FTO: variants seen among roughly 807,000 people sequenced by gnomAD.
FTO encodes FTO alpha-ketoglutarate dependent dioxygenase.
Under a neutral mutation model 63.9 loss-of-function variants are expected in FTO, and 47 were observed. The ratio of observed to expected loss-of-function variants is 0.74; its 90% CI spans 0.58 to 0.94. The LOEUF (loss-of-function observed/expected upper bound fraction) is 0.94. Among genes scored for constraint, FTO ranks in the 40% least tolerant of loss-of-function variants. FTO has a pLI of 0.00. For missense variants in FTO, 562 were observed against 618.1 expected, an observed-to-expected ratio of 0.91 and a Z score of 0.96; for synonymous variants, 207 against 224.4, an observed-to-expected ratio of 0.92 and a Z score of 0.69.
intron 1 of FTO, among the ~76,000 whole-genome samples, chr16:53,808,192 G>C (rs1265292515): frequency 6.6e-6 from 1 of 151,978 alleles, no homozygotes; most frequent in Non-Finnish European, 1.5e-5. Context: ...AACTAGCCAG[G>C]CATGGTGGCA....
intron 8 of FTO, among the ~76,000 whole-genome samples, chr16:53,942,823 A>G (rs868022935): frequency 4.6e-5 from 7 of 152,192 alleles, no homozygotes; most frequent in Admixed American, 6.5e-5. Context: ...GTCAGCTGCT[A>G]TCATTCATGC....
chr16:53,780,285 G>C (rs945157378), intron 1 of FTO, among the ~76,000 whole-genome samples: 3 of 151,986 alleles, frequency 2.0e-5, no homozygotes, highest in Admixed American at 6.6e-5. Context: ...TGTACCAGCT[G>C]TTCTTCCTGC....
intron 1 of FTO, among the ~76,000 whole-genome samples, chr16:53,724,569 G>A (rs2076110007): frequency 1.3e-5 from 2 of 152,192 alleles, no homozygotes; most frequent in Admixed American, 6.5e-5. Flanking sequence ...AGATATGAGG[G>A]CTAGCTCCTC....
Position 54,119,418 on chromosome 16 carries a change from C to T in FTO, c.*7503C>T, listed in dbSNP as rs1039196174. On this transcript the variant is annotated 3_prime_UTR_variant, in exon 9 of 9. Coordinates refer to ENST00000471389, the MANE Select transcript of FTO (RefSeq NM_001080432.3). ...ACTCATCCAACCCAGAAAACTGGAC[C>T]GCTGGTCACCTTCCTTCCCCCTGCC... 2 of 152,336 alleles carry T rather than the reference C, an allele frequency of 1.3e-5. No homozygotes were observed. The highest frequency in any genetic ancestry group is 2.1e-4 in the South Asian group (1 of 4,824). The allele number at this position is 152,336 out of a possible 1,614,324, so 9.4% of individuals were successfully genotyped here.
chr16:53,704,789 A>G (rs1452138544), intron 1 of FTO, among the ~76,000 whole-genome samples: 1 of 152,224 alleles, frequency 6.6e-6, no homozygotes, highest in African/African-American at 2.4e-5. Context: ...CAGAGATTTT[A>G]AAAAGCATTT....
At chr16:54,042,399 C>T (rs1478992353) in intron 8 of FTO, among the ~76,000 whole-genome samples, 6 of 82,468 alleles carry the variant, frequency 7.3e-5, no homozygotes, top group Non-Finnish European at 1.4e-4. Flanking sequence ...CTTTTCAGAC[C>T]GGCTTAAGAA....
Position 53,888,915 on chromosome 16 carries a change from T to C in FTO, c.1203T>C (p.Ala401=). Residue 401 remains alanine (A), a synonymous_variant, in exon 7 of 9, where the codon GCT becomes GCC. Transcript: ENST00000471389. ...CTGACTGGTGGTGTCAACCCATGGC[T>C]CAACTGGAAGCACTGTGGAAGAAGA... ...KCTDWWCQPM[A]QLEALWKKME... is the part of the protein sequence containing the mutation. 1 of 1,614,106 alleles carries C rather than the reference T, an allele frequency of 6.2e-7. No homozygotes were observed. Among genetic ancestry groups the C allele is most frequent in the Non-Finnish European group, 8.5e-7 (1 of 1,179,952 alleles).
At chr16:53,954,957 C>G (rs2082892287) in intron 8 of FTO, among the ~76,000 whole-genome samples, 1 of 152,086 alleles carries the variant, frequency 6.6e-6, no homozygotes, top group East Asian at 1.9e-4. Flanking sequence ...ATTCCCAACT[C>G]TTTGGTGGAC....
At chr16:53,874,115 C>T (rs1016961192) in intron 5 of FTO, among the ~76,000 whole-genome samples, 28 of 152,218 alleles carry the variant, frequency 1.8e-4, no homozygotes, top group African/African-American at 6.3e-4. Context: ...AGGAAAATGC[C>T]GTTGACAAGT....
Position 53,704,214 on chromosome 16 carries a change from A to T in FTO, c.30A>T (p.Arg10=), listed in dbSNP as rs1211013709. The change falls in exon 1 of 9, where the codon CGA becomes CGT. Residue 10 remains arginine, a synonymous_variant. Coordinates refer to ENST00000471389, the MANE Select transcript of FTO (RefSeq NM_001080432.3). ...AGCGCACCCCGACTGCCGAGGAACG[A>T]GAGCGCGAAGCTAAGGTATGTCGGG... is the stretch of plus-strand genomic sequence containing the variant. MKRTPTAEE[R]EREAKKLRLL... is the part of the protein sequence containing the mutation. The T allele has an allele frequency of 2.6e-6, 4 of 1,551,398 alleles. No homozygotes were observed. The highest frequency in any genetic ancestry group is 3.5e-6 in the Non-Finnish European group (4 of 1,146,848).
intron 4 of FTO, among the ~76,000 whole-genome samples, chr16:53,868,062 A>G (rs1248223059): frequency 6.6e-6 from 1 of 152,006 alleles, no homozygotes; most frequent in Non-Finnish European, 1.5e-5. Context: ...TGTTTCTTTA[A>G]GTTTAATCTG....
intron 8 of FTO, among the ~76,000 whole-genome samples, chr16:53,943,359 A>G (rs2082579042): frequency 1.3e-5 from 2 of 152,234 alleles, no homozygotes; most frequent in South Asian, 4.1e-4. Flanking sequence ...CATCTTATTT[A>G]TAAAATCAAC....
intron 1 of FTO, among the ~76,000 whole-genome samples, chr16:53,786,449 A>C (rs530574324): frequency 5.6e-4 from 85 of 152,318 alleles, no homozygotes; most frequent in Non-Finnish European, 8.2e-4. Flanking sequence ...ATGAAAATAA[A>C]ATAAAAAAAT....
intron 7 of FTO, among the ~76,000 whole-genome samples, chr16:53,916,047 C>T (rs938727073): frequency 2.0e-5 from 3 of 152,196 alleles, no homozygotes; most frequent in African/African-American, 7.2e-5. Flanking sequence ...TTTGTGGCAA[C>T]CACACTGGCT....
intron 8 of FTO, among the ~76,000 whole-genome samples, chr16:54,053,237 T>C (rs2085351743): frequency 6.6e-6 from 1 of 152,220 alleles, no homozygotes; most frequent in Non-Finnish European, 1.5e-5. Flanking sequence ...TTGCTCATCA[T>C]ACATCTATGG....
At chr16:54,041,598 C>G (rs1017380087) in intron 8 of FTO, among the ~76,000 whole-genome samples, 3 of 152,080 alleles carry the variant, frequency 2.0e-5, no homozygotes, top group African/African-American at 7.2e-5. Flanking sequence ...ACCGGAAGAC[C>G]CTGAGGACAG....
At chr16:53,748,953 A>G (rs1598560819) in intron 1 of FTO, among the ~76,000 whole-genome samples, 1 of 150,370 alleles carries the variant, frequency 6.7e-6, no homozygotes, top group Admixed American at 6.6e-5. Context: ...TTTAGTAGAG[A>G]CGAGGTTTCA....
At chr16:53,762,367 G>A (rs1489212932) in intron 1 of FTO, among the ~76,000 whole-genome samples, 1 of 152,082 alleles carries the variant, frequency 6.6e-6, no homozygotes, top group East Asian at 1.9e-4. Flanking sequence ...GCATTTCTGT[G>A]AGTGCTTACT....
At chr16:53,826,620 C>CGT (rs201953228) in intron 3 of FTO, 129 bp downstream of exon 3, 5 of 832,782 alleles carry the variant, frequency 6.0e-6, no homozygotes, top group African/African-American at 1.7e-5. Flanking sequence ...CATGCACATG[C>CGT]GTGTGTGTGT....
Sources: gnomAD v4.1 joint callset for allele counts (sites outside exome capture counted in the v4.1 genomes callset) on GRCh38, gnomAD v4.1.1 for gene constraint, MANE v1.5 for transcripts, NCBI Gene and HGNC (gene_info 2026-07-23, HGNC 2026-07-21) for gene names.